The following EDIL3 variants were observed in gnomAD, a reference collection of about 807,000 sequenced individuals.
EDIL3 encodes EGF-like repeat and discoidin I-like domain-containing protein 3.
A neutral mutation model predicts 67.4 loss-of-function variants in EDIL3; 37 were observed. The observed-to-expected ratio is 0.55, with a 90% CI of 0.42 to 0.72. EDIL3 has a LOEUF of 0.72. EDIL3 is among the 30% of genes least tolerant of loss of function. The pLI is 0.00. For missense variants in EDIL3, 527 were observed against 586.3 expected, an observed-to-expected ratio of 0.90 and a Z score of 1.04; for synonymous variants, 195 against 196.3, an observed-to-expected ratio of 0.99 and a Z score of 0.05.
intron 2 of EDIL3, among the ~76,000 whole-genome samples, chr5:84,230,542 G>C (rs1744552571): frequency 6.6e-6 from 1 of 151,932 alleles, no homozygotes; most frequent in South Asian, 2.1e-4. Context: ...TGAGTAGCTG[G>C]GATTACAGGC....
chr5:84,232,070 ACTT>A lies in EDIL3; in HGVS notation c.197-2189_197-2187del, dbSNP rs202176516. On this transcript the variant is annotated intron_variant, in intron 2 of 10. Coordinates refer to ENST00000296591, the MANE Select transcript of EDIL3 (RefSeq NM_005711.5). ...CATGTCAGTGTGACTTTAAAACTGAACTTCTTCTGCTGTGCCTTATTGTATCAC... is the reference window on the plus strand; with the variant it reads ...CATGTCAGTGTGACTTTAAAACTGAACTTCTGCTGTGCCTTATTGTATCAC... 6.3e-3 allele frequency among the ~76,000 whole-genome samples: 963 copies of A among 152,286 alleles called. 8 individuals carry two copies. Among genetic ancestry groups the A allele is most frequent in the African/African-American group, 0.021 (878 of 41,562 alleles).
chr5:84,311,324 C>CTTTTTTTTTTTT (rs58965080), intron 1 of EDIL3, among the ~76,000 whole-genome samples: 36 of 105,508 alleles, frequency 3.4e-4, no homozygotes, highest in Middle Eastern at 5.1e-3. Context: ...TTTTTTTTTT[C>CTTTTTTTTTTTT]TTTTTTTTTT....
rs1374623344 is a variant in EDIL3, at chr5:84,254,146, G to A, written c.134C>T (p.Ser45Phe). 2 of 1,612,806 alleles carry A rather than the reference G, an allele frequency of 1.2e-6. No homozygotes were observed. Among genetic ancestry groups the A allele is most frequent in the Non-Finnish European group, 1.7e-6 (2 of 1,179,394 alleles). Residue 45 changes from serine to phenylalanine, a missense_variant, in exon 2 of 11, where the codon TCC becomes TTC. Physicochemically the swap from Ser to Phe is radical, Grantham distance 155. Around this residue, in one of 2 missense-constraint regions of EDIL3, gnomAD observed 494 missense variants for 522.5 expected, o/e 0.95. Transcript: ENST00000296591. Reference protein sequence around the residue: ...GICLPGLADGSFSCECPDGFT... With the variant: ...GICLPGLADGFFSCECPDGFT... ...GCCATCTGGACACTCACAGGAAAAGGAACCATCAGCCAATCCTGGCAAACA... is the reference window on the plus strand; with the variant it reads ...GCCATCTGGACACTCACAGGAAAAGAAACCATCAGCCAATCCTGGCAAACA...
intron 9 of EDIL3, 62 bp downstream of exon 9, chr5:84,060,238 C>A (rs543714290): frequency 6.3e-7 from 1 of 1,576,772 alleles, no homozygotes; most frequent in East Asian, 2.3e-5. Context: ...CTCACCTAAT[C>A]AACAGGAAAT....
chr5:84,329,007 CACTT>C (rs1746820455), intron 1 of EDIL3, among the ~76,000 whole-genome samples: 1 of 152,080 alleles, frequency 6.6e-6, no homozygotes, highest in African/African-American at 2.4e-5. Flanking sequence ...TCTCTCCCAC[CACTT>C]AAACTTCATT....
chr5:84,322,695 T>A (rs1337982902), intron 1 of EDIL3, among the ~76,000 whole-genome samples: 1 of 152,014 alleles, frequency 6.6e-6, no homozygotes, highest in African/African-American at 2.4e-5. Flanking sequence ...ATAACAGACA[T>A]AAATGTAAAC....
At chr5:84,082,821 C>G (rs868438688) in intron 6 of EDIL3, among the ~76,000 whole-genome samples, 3 of 151,938 alleles carry the variant, frequency 2.0e-5, no homozygotes, top group African/African-American at 7.2e-5. Flanking sequence ...TGAGTTGTTA[C>G]TATAGACCTA....
intron 5 of EDIL3, among the ~76,000 whole-genome samples, chr5:84,129,965 A>G (rs1747931903): frequency 6.6e-6 from 1 of 152,170 alleles, no homozygotes; most frequent in Non-Finnish European, 1.5e-5. Flanking sequence ...CTAAATATTA[A>G]GATTCTTAAA....
At chr5:84,280,549 G>A (rs1232316189) in intron 1 of EDIL3, among the ~76,000 whole-genome samples, 3 of 152,146 alleles carry the variant, frequency 2.0e-5, no homozygotes, top group Non-Finnish European at 4.4e-5. Context: ...TGTCGGCACT[G>A]CACTGTGGTT....
chr5:84,281,517 C>G (rs572991668), intron 1 of EDIL3, among the ~76,000 whole-genome samples: 66 of 152,340 alleles, frequency 4.3e-4, no homozygotes, highest in African/African-American at 1.5e-3. Flanking sequence ...AGCAAAGTAT[C>G]TAATCAGTGC....
At chr5:84,289,327 G>C (rs548915709) in intron 1 of EDIL3, among the ~76,000 whole-genome samples, 1 of 152,228 alleles carries the variant, frequency 6.6e-6, no homozygotes, top group East Asian at 1.9e-4. Flanking sequence ...TAGCAAAACA[G>C]CTTAATCAGG....
At chr5:84,172,199 G>A (rs1460275707) in intron 4 of EDIL3, among the ~76,000 whole-genome samples, 1 of 152,196 alleles carries the variant, frequency 6.6e-6, no homozygotes, top group Non-Finnish European at 1.5e-5. Context: ...CATTTTGGAA[G>A]TTTCTTTGGA....
intron 6 of EDIL3, among the ~76,000 whole-genome samples, chr5:84,081,312 T>G (rs1321197768): frequency 1.3e-5 from 2 of 152,182 alleles, no homozygotes; most frequent in Non-Finnish European, 2.9e-5. Context: ...TGGGGCTACA[T>G]GGTTTTGAAA....
At chr5:83,979,553 A>G (rs887817393) in intron 9 of EDIL3, among the ~76,000 whole-genome samples, 3 of 152,210 alleles carry the variant, frequency 2.0e-5, no homozygotes, top group Non-Finnish European at 4.4e-5. Context: ...TGGGAATACA[A>G]TAGAATTATA....
At chr5:84,055,905 T>C (rs1271162610) in intron 9 of EDIL3, among the ~76,000 whole-genome samples, 1 of 152,196 alleles carries the variant, frequency 6.6e-6, no homozygotes, top group Non-Finnish European at 1.5e-5. Flanking sequence ...AGTGTGGCGA[T>C]TCCTCAGGGA....
intron 1 of EDIL3, among the ~76,000 whole-genome samples, chr5:84,376,674 T>C (rs1318034562): frequency 3.3e-5 from 5 of 152,226 alleles, no homozygotes; most frequent in Admixed American, 1.3e-4. Context: ...TATTTTTATA[T>C]ATAAGAGACA....
At chr5:84,161,348 T>C (rs1163474851) in intron 4 of EDIL3, among the ~76,000 whole-genome samples, 1 of 149,060 alleles carries the variant, frequency 6.7e-6, no homozygotes. Context: ...GGGTTTGTTA[T>C]GACTAATGCT....
At chr5:84,121,834 G>A (rs187752787) in intron 5 of EDIL3, among the ~76,000 whole-genome samples, 3 of 152,094 alleles carry the variant, frequency 2.0e-5, no homozygotes, top group Admixed American at 1.3e-4. Context: ...ATAGCACTGA[G>A]CATTTAAATA....
chr5:84,229,911 G>A lies in EDIL3; in HGVS notation c.197-27C>T, dbSNP rs372545376. On this transcript the variant is annotated intron_variant, in intron 2 of 10. Coordinates refer to ENST00000296591, the MANE Select transcript of EDIL3 (RefSeq NM_005711.5). ...TATGATAAGAGGAAAAGGTGAAATG[G>A]GGGTGGGGTAGAAGTGAAGGGAGGG... 2.5e-6 allele frequency: 4 copies of A among 1,600,304 alleles called. No homozygotes were observed. In the Admixed American group the frequency reaches 6.8e-5, roughly 27 times the overall value.
Sources: allele counts gnomAD v4.1 joint callset (sites outside exome capture counted in the v4.1 genomes callset), GRCh38; gene constraint gnomAD v4.1.1; regional missense constraint gnomAD v4.1.1; transcripts MANE v1.5; gene names NCBI Gene and HGNC (gene_info 2026-07-23, HGNC 2026-07-21).